Variants in SDHB observed in about 807,000 individuals in gnomAD.
SDHB encodes the protein succinate dehydrogenase [ubiquinone] iron-sulfur subunit, mitochondrial.
Under a neutral mutation model 39.7 loss-of-function variants are expected in SDHB, and 21 were observed. The ratio of observed to expected loss-of-function variants is 0.53; its 90% CI spans 0.37 to 0.76. The LOEUF (loss-of-function observed/expected upper bound fraction) is 0.76. Among genes scored for constraint, SDHB ranks in the 30% least tolerant of loss-of-function variants. The pLI is 0.00. For missense variants in SDHB, 343 were observed against 350.9 expected (o/e 0.98, Z 0.18); for synonymous variants, 118 against 117.0 (o/e 1.01, Z -0.06).
chr1:17,028,528 C>T, intron 4 of SDHB, 72 bp downstream of exon 4: 1 of 1,538,188 alleles, frequency 6.5e-7, no homozygotes, highest in Non-Finnish European at 9.0e-7. Flanking sequence ...CCCTGAAAAA[C>T]TAATAGCGTA....
At chr1:17,026,792 G>A (rs1350174719) in intron 5 of SDHB, among the ~76,000 whole-genome samples, 1 of 152,064 alleles carries the variant, frequency 6.6e-6, no homozygotes, top group Non-Finnish European at 1.5e-5. Context: ...ATATGTATAT[G>A]TTTTAGAGAC....
intron 2 of SDHB, among the ~76,000 whole-genome samples, chr1:17,042,385 G>C (rs2078085971): frequency 6.6e-6 from 1 of 152,054 alleles, no homozygotes; most frequent in Admixed American, 6.5e-5. Context: ...TTTTTTTCCG[G>C]AGTTGATCAT....
intron 2 of SDHB, among the ~76,000 whole-genome samples, chr1:17,038,220 T>C (rs2078060743): frequency 6.6e-6 from 1 of 152,240 alleles, no homozygotes; most frequent in East Asian, 1.9e-4. Context: ...CCCAAGGTTT[T>C]GTGTAAAAGA....
At chr1:17,024,531 T>C (rs911616831) in intron 5 of SDHB, among the ~76,000 whole-genome samples, 1 of 152,190 alleles carries the variant, frequency 6.6e-6, no homozygotes, top group African/African-American at 2.4e-5. Flanking sequence ...CCCCAGTGAC[T>C]GCCACTGCCA....
chr1:17,047,255 C>T (rs1570959580), intron 1 of SDHB, among the ~76,000 whole-genome samples: 3 of 151,856 alleles, frequency 2.0e-5, no homozygotes, highest in Non-Finnish European at 4.4e-5. Context: ...ACTCGGGAGG[C>T]AGAGGCAGGA....
chr1:17,019,299 C>G (rs552446784), intron 7 of SDHB, among the ~76,000 whole-genome samples: 2 of 152,292 alleles, frequency 1.3e-5, no homozygotes, highest in South Asian at 4.1e-4. Flanking sequence ...AGGCCAATGT[C>G]AAAATCAGCC....
intron 4 of SDHB, 48 bp from the exon 5 acceptor site, chr1:17,027,913 T>C (rs1420073227): frequency 8.7e-7 from 1 of 1,144,770 alleles, no homozygotes; most frequent in African/African-American, 1.5e-5. Context: ...AAGGATCAGA[T>C]TCCATCATCA....
chr1:17,021,271 A>G (rs2077960707), intron 7 of SDHB, among the ~76,000 whole-genome samples: 1 of 152,208 alleles, frequency 6.6e-6, no homozygotes, highest in Non-Finnish European at 1.5e-5. Flanking sequence ...TCATAGGAGT[A>G]AGTTCCTGAT....
At chr1:17,033,004 C>T in intron 3 of SDHB, 56 bp downstream of exon 3, 1 of 1,391,702 alleles carries the variant, frequency 7.2e-7, no homozygotes, top group East Asian at 2.3e-5. Flanking sequence ...TTGGCCAGCC[C>T]AAGCCTCTTT....
At chr1:17,031,730 C>CT (rs1184877379) in intron 3 of SDHB, among the ~76,000 whole-genome samples, 6 of 151,352 alleles carry the variant, frequency 4.0e-5, no homozygotes, top group South Asian at 2.1e-4. Context: ...CTGGCTTTTC[C>CT]TTTTTTTTTA....
chr1:17,037,657 A>T (rs1254069062), intron 2 of SDHB, among the ~76,000 whole-genome samples: 3 of 152,150 alleles, frequency 2.0e-5, no homozygotes, highest in Non-Finnish European at 4.4e-5. Context: ...GGGTTTTGCC[A>T]TGTTGTCCAG....
At chr1:17,045,540 A>T (rs1472768913) in intron 1 of SDHB, among the ~76,000 whole-genome samples, 1 of 152,188 alleles carries the variant, frequency 6.6e-6, no homozygotes, top group East Asian at 1.9e-4. Context: ...TTGAGGCTGC[A>T]GTGAGCCAAG....
chr1:17,033,488 G>C (rs977159361), intron 2 of SDHB, among the ~76,000 whole-genome samples: 4 of 152,170 alleles, frequency 2.6e-5, no homozygotes, highest in Non-Finnish European at 5.9e-5. Context: ...ATTTTAGTTT[G>C]ATTTTTAGGA....
At chr1:17,050,979 A>C (rs900629670) in intron 1 of SDHB, among the ~76,000 whole-genome samples, 11 of 152,262 alleles carry the variant, frequency 7.2e-5, no homozygotes, top group Admixed American at 6.5e-4. Context: ...CCCAGTTAAA[A>C]GACGAGGATA....
intron 1 of SDHB, among the ~76,000 whole-genome samples, chr1:17,049,685 A>G (rs532528690): frequency 1.3e-5 from 1 of 76,518 alleles, no homozygotes; most frequent in Non-Finnish European, 2.2e-5. Context: ...TTTGTGAGAC[A>G]GTCTCACTCT....
intron 2 of SDHB, among the ~76,000 whole-genome samples, chr1:17,043,442 C>T (rs1474953700): frequency 1.3e-5 from 2 of 152,162 alleles, no homozygotes; most frequent in Admixed American, 1.3e-4. Flanking sequence ...TTACTTGTCA[C>T]CACAGAAAGT....
At chr1:17,020,822 C>A (rs1159527463) in intron 7 of SDHB, among the ~76,000 whole-genome samples, 2 of 152,162 alleles carry the variant, frequency 1.3e-5, no homozygotes, top group Admixed American at 6.5e-5. Flanking sequence ...AGATGGAAGC[C>A]CAGGCAATAG....
At chr1:17,043,845 A>G (rs936299900) in intron 2 of SDHB, among the ~76,000 whole-genome samples, 1 of 152,230 alleles carries the variant, frequency 6.6e-6, no homozygotes. Context: ...CCTCGGGCTC[A>G]CAACCACAAG....
At chr1:17,050,998 T>C (rs761803029) in intron 1 of SDHB, among the ~76,000 whole-genome samples, 12 of 152,234 alleles carry the variant, frequency 7.9e-5, no homozygotes, top group Non-Finnish European at 1.5e-4. Flanking sequence ...TAGGATCATA[T>C]AGCAACACAG....
Sources: gnomAD v4.1 joint callset for allele counts (sites outside exome capture counted in the v4.1 genomes callset) on GRCh38, gnomAD v4.1.1 for gene constraint, MANE v1.5 for transcripts, NCBI Gene and HGNC (gene_info 2026-07-23, HGNC 2026-07-21) for gene names.